Variants in ERAP1 observed in about 807,000 individuals in gnomAD.
The protein encoded by ERAP1 is adipocyte-derived leucine aminopeptidase.
Under a neutral mutation model 103.7 loss-of-function variants are expected in ERAP1, and 86 were observed. The ratio of observed to expected loss-of-function variants is 0.83; its 90% CI spans 0.70 to 0.99. The LOEUF is 0.99. Ranked by LOEUF, ERAP1 falls within the 50% of genes least tolerant of loss-of-function variation. The pLI, the probability that ERAP1 is intolerant of heterozygous loss-of-function variation, is 0.00. For synonymous variants in ERAP1, 398 were observed against 402.4 expected (o/e 0.99, Z 0.13); for missense variants, 1,009 against 1,128.4 (o/e 0.89, Z 1.52).
At chr5:96,814,146 A>T in the ERAP1 span, 11 of 436,108 alleles carry the variant, frequency 2.5e-5, no homozygotes, top group Admixed American at 2.4e-4. Context: ...GAAGGGAAGG[A>T]TCTGCTTCCA....
chr5:96,878,443 T>C, the ERAP1 span, among the ~76,000 whole-genome samples: 1 of 152,034 alleles, frequency 6.6e-6, no homozygotes, highest in Non-Finnish European at 1.5e-5. Context: ...ATAGAATATA[T>C]ATATAGAATA....
the ERAP1 span, among the ~76,000 whole-genome samples, chr5:96,916,066 C>T: frequency 6.6e-6 from 1 of 151,764 alleles, no homozygotes; most frequent in Non-Finnish European, 1.5e-5. Context: ...AATAAAAATA[C>T]AAAAATTAGC....
chr5:96,887,073 GTATA>G, the ERAP1 span, among the ~76,000 whole-genome samples: 76 of 87,192 alleles, frequency 8.7e-4, no homozygotes, highest in African/African-American at 2.7e-3. Context: ...AATTTTCAAA[GTATA>G]TATATATATA....
At chr5:96,835,536 G>A in the ERAP1 span, among the ~76,000 whole-genome samples, 1 of 149,066 alleles carries the variant, frequency 6.7e-6, no homozygotes, top group Admixed American at 6.6e-5. Context: ...ACGAAATGAT[G>A]TTAAAAAAAA....
At chr5:96,785,614 G>A in intron 13 of ERAP1, 174 bp downstream of exon 13, 1 of 679,662 alleles carries the variant, frequency 1.5e-6, no homozygotes, top group East Asian at 2.7e-5. Flanking sequence ...AGTAGTCACA[G>A]ACAGGAGGTT....
At chr5:96,896,504 G>A in the ERAP1 span, 2 of 1,612,334 alleles carry the variant, frequency 1.2e-6, no homozygotes, top group African/African-American at 1.3e-5. Flanking sequence ...CCTATAACAA[G>A]GTAGTAAATA....
chr5:96,794,320 C>T lies in ERAP1; in HGVS notation c.920-363G>A, dbSNP rs147067323. 7.0e-4 allele frequency among the ~76,000 whole-genome samples: 106 copies of T among 151,970 alleles called. 2 individuals are homozygous for T. The highest frequency in any genetic ancestry group is 2.5e-3 in the African/African-American group (104 of 41,440). The stretch of plus-strand genomic sequence containing the variant: ...CCTCCCATCTCAGCCTTGCAAGTAG[C>T]TGGGACTACAAGAGTGCACCTCCAC... On this transcript the variant is annotated intron_variant, in intron 5 of 18. Transcript: ENST00000443439.
the ERAP1 span, among the ~76,000 whole-genome samples, chr5:96,924,185 G>A: frequency 1.3e-5 from 2 of 152,170 alleles, no homozygotes; most frequent in Non-Finnish European, 2.9e-5. Flanking sequence ...CTGTGTGCTT[G>A]TCCTGATTGG....
At chr5:96,786,646 A>G (rs1281462736) in intron 11 of ERAP1, 97 bp from the exon 12 acceptor site, 3 of 782,454 alleles carry the variant, frequency 3.8e-6, no homozygotes, top group Non-Finnish European at 6.6e-6. Flanking sequence ...TTAGTTTAGA[A>G]CAAGATAGTA....
the ERAP1 span, among the ~76,000 whole-genome samples, chr5:96,891,347 ATATGTG>A: frequency 7.7e-6 from 1 of 129,466 alleles, no homozygotes; most frequent in Non-Finnish European, 1.6e-5. Context: ...CTGTATATGT[ATATGTG>A]TGTGTATATA....
chr5:96,784,950 A>G (rs1340542206), intron 13 of ERAP1: 2 of 152,226 alleles, frequency 1.3e-5, no homozygotes, highest in African/African-American at 4.8e-5. Flanking sequence ...AGGCAGAAAG[A>G]AACAGCTAGG....
chr5:96,930,196 G>A, the ERAP1 span, among the ~76,000 whole-genome samples: 2 of 152,158 alleles, frequency 1.3e-5, no homozygotes, highest in Admixed American at 6.5e-5. Context: ...CCAACCACCT[G>A]ATATTGCCTC....
the ERAP1 span, among the ~76,000 whole-genome samples, chr5:96,847,056 T>G: frequency 6.8e-6 from 1 of 146,644 alleles, no homozygotes; most frequent in Non-Finnish European, 1.5e-5. Context: ...CTGACCAACA[T>G]GTTGAAACCC....
the ERAP1 span, among the ~76,000 whole-genome samples, chr5:96,837,061 G>A: frequency 1.1e-4 from 17 of 152,276 alleles, no homozygotes; most frequent in Admixed American, 3.9e-4. Flanking sequence ...GAGAGAAAAT[G>A]AATTGGAGAG....
At chr5:96,888,898 A>G in the ERAP1 span, among the ~76,000 whole-genome samples, 18 of 152,346 alleles carry the variant, frequency 1.2e-4, no homozygotes, top group South Asian at 3.3e-3. Flanking sequence ...GTTCCTCTCT[A>G]TGATATACTT....
chr5:96,851,956 A>AAGCAGCAAGCCGTCTGACAGCTGAGAAG, the ERAP1 span, among the ~76,000 whole-genome samples: 4 of 152,184 alleles, frequency 2.6e-5, no homozygotes, highest in Non-Finnish European at 4.4e-5. Context: ...TGTGGAAAAC[A>AAGCAGCAAGCCGTCTGACAGCTGAGAAG]AGCAGCAAGC....
At chr5:96,918,400 G>A in the ERAP1 span, 1 of 151,264 alleles carries the variant, frequency 6.6e-6, no homozygotes, top group East Asian at 1.9e-4. Context: ...CAGGAAACCA[G>A]AGACTTTGCC....
rs941457738 is a variant in ERAP1, at chr5:96,761,389, C to T, written c.*1811G>A. On this transcript the variant is annotated 3_prime_UTR_variant, in exon 20 of 20. Transcript: ENST00000296754. The stretch of plus-strand genomic sequence containing the variant: ...TTACCTAAAATATTACATTCTAAAA[C>T]GGCTTTACAGGGTATAAATGGACAA... 7 of 152,166 alleles carry T rather than the reference C, an allele frequency of 4.6e-5. No homozygotes were observed. In the East Asian group the frequency reaches 5.7e-4, roughly 12 times the overall value. 9.4% of individuals were successfully genotyped at this position (152,166 alleles called of 1,614,324 possible).
chr5:96,909,197 A>G, the ERAP1 span: 3 of 1,419,420 alleles, frequency 2.1e-6, no homozygotes, highest in African/African-American at 1.4e-5. Flanking sequence ...GTTTTGTGTG[A>G]AGTCCTTGAG....
Sources: allele counts gnomAD v4.1 joint callset (sites outside exome capture counted in the v4.1 genomes callset), GRCh38; gene constraint gnomAD v4.1.1; transcripts MANE v1.5; gene names NCBI Gene and HGNC (gene_info 2026-07-23, HGNC 2026-07-21).